Variants in SHPRH observed in about 807,000 individuals in gnomAD.
SHPRH encodes E3 ubiquitin-protein ligase SHPRH.
A neutral mutation model predicts 202.5 loss-of-function variants in SHPRH; 106 were observed. The ratio of observed to expected loss-of-function variants is 0.52; its 90% confidence interval spans 0.45 to 0.62. The LOEUF is 0.62. Ranked by LOEUF, SHPRH falls within the 20% of genes least tolerant of loss-of-function variation. The probability of loss-of-function intolerance (pLI) is 0.00; values close to 1 mark genes in which losing one functional copy is unlikely to be tolerated. For missense variants in SHPRH, 1,710 were observed against 2,020.0 expected (o/e 0.85, Z 2.94); for synonymous variants, 729 against 686.0 (o/e 1.06, Z -0.98).
chr6:145,929,191 T>C (rs1022803581), intron 14 of SHPRH, among the ~76,000 whole-genome samples: 1 of 151,932 alleles, frequency 6.6e-6, no homozygotes, highest in African/African-American at 2.4e-5. Context: ...TATTCAATGT[T>C]ATAAAGGTTT....
chr6:145,940,173 G>A (rs564379870), intron 11 of SHPRH, among the ~76,000 whole-genome samples: 1 of 152,124 alleles, frequency 6.6e-6, no homozygotes, highest in South Asian at 2.1e-4. Context: ...CAATCTAAAT[G>A]CTCAAGTAAA....
chr6:145,885,936 C>T lies in SHPRH; in HGVS notation c.*755G>A, dbSNP rs147165145. On this transcript the variant is annotated 3_prime_UTR_variant, in exon 30 of 30. Transcript: ENST00000275233. Reference sequence around the variant, plus strand: ...ATTTACAGATACATCAATCTTACAACATATAAAAACTTTAACAATAAGAAA... The same window carrying T: ...ATTTACAGATACATCAATCTTACAATATATAAAAACTTTAACAATAAGAAA... The T allele has an allele frequency of 6.6e-6, 1 of 151,168 alleles. No homozygotes were observed. The highest frequency in any genetic ancestry group is 1.9e-4 in the East Asian group (1 of 5,148). 9.4% of individuals were successfully genotyped at this position (151,168 alleles called of 1,614,324 possible). A position where few individuals can be genotyped will look rare whatever the true frequency, so the allele number is the denominator to read the frequency against.
chr6:145,921,193 A>G lies in SHPRH; in HGVS notation c.3982T>C (p.Phe1328Leu). Reference sequence around the variant, plus strand: ...TTATATTCCTTCTTCCATGCTTCAAAGAGATCCATTGAAGTGCTTCCTTCA... The same window carrying G: ...TTATATTCCTTCTTCCATGCTTCAAGGAGATCCATTGAAGTGCTTCCTTCA... ...VDEGSTSMDL[F>L]EAWKKEYKLL... is the part of the protein sequence containing the mutation. Residue 1328 changes from phenylalanine (F) to leucine (L), a missense_variant, in exon 21 of 30, where the codon TTT (phenylalanine) becomes CTT (leucine). Phe to Leu is a conservative substitution (Grantham distance 22, BLOSUM62 0). Around this residue, in one of 8 missense-constraint regions of SHPRH, gnomAD observed 306 missense variants for 479.5 expected, o/e 0.64. Transcript: ENST00000275233. 1.2e-6 allele frequency: 2 copies of G among 1,612,302 alleles called. No individual in the cohort carries two copies. The highest frequency in any genetic ancestry group is 1.7e-6 in the Non-Finnish European group (2 of 1,178,876).
intron 22 of SHPRH, chr6:145,918,819 A>C (rs890698285): frequency 6.5e-6 from 1 of 152,800 alleles, no homozygotes; most frequent in African/African-American, 2.4e-5. Flanking sequence ...AAGGAATAAA[A>C]ATGAATTATA....
At chr6:145,867,631 TAGAG>T (rs748613165) in intron 2 of SHPRH, among the ~76,000 whole-genome samples, 438 of 22,194 alleles carry the variant, frequency 0.02, 6 homozygotes, top group African/African-American at 0.038. Flanking sequence ...TATATATATA[TAGAG>T]AGAGAGAGAG....
chr6:145,945,711 A>G, intron 7 of SHPRH, 74 bp from the exon 8 acceptor site: 1 of 1,444,334 alleles, frequency 6.9e-7, no homozygotes. Flanking sequence ...GTTAATCTTA[A>G]TCTGCATGAG....
rs181315907 is a variant in SHPRH at position 145,924,932 on chromosome 6, T to C, written c.3295-86A>G. On this transcript the variant is annotated intron_variant, in intron 16 of 29. Coordinates refer to ENST00000275233, the MANE Select transcript of SHPRH (RefSeq NM_001042683.3). ...GTTTCAAGAAGAATGGGTCATTTTA[T>C]ACATTTAAAGCTACTTAACTGCATT... 448 of 1,049,056 alleles carry C rather than the reference T, an allele frequency of 4.3e-4. 1 individual carries two copies. In the African/African-American group the frequency reaches 6.2e-3, roughly 15 times the overall value. The allele number at this position is 1,049,056 out of a possible 1,614,324, so 65.0% of individuals were successfully genotyped here.
At position 145,924,845 on chromosome 6, in the gene SHPRH, G is replaced by A. The variant is rs370668117; in HGVS notation, c.3296C>T (p.Ala1099Val). The change falls in exon 17 of 30, where the codon GCC becomes GTC. Residue 1099 changes from alanine (A) to valine (V), a missense_variant and splice_region_variant. Coordinates refer to ENST00000275233, the MANE Select transcript of SHPRH (RefSeq NM_001042683.3). ...TLRDGRLEEEAKQLREHYMSK... is the reference protein window; with the variant it reads ...TLRDGRLEEEVKQLREHYMSK... ...CATGTAGTGCTCTCGCAGCTGTTTG[G>A]CCTGTGTTGAAACAGAGAATATAAA... The A allele has an allele frequency of 6.2e-6, 10 of 1,610,300 alleles. No individual in the cohort carries two copies. The highest frequency in any genetic ancestry group is 7.6e-6 in the Non-Finnish European group (9 of 1,177,694).
chr6:145,913,387 G>A, intron 24 of SHPRH, 91 bp downstream of exon 24: 1 of 1,173,402 alleles, frequency 8.5e-7, no homozygotes, highest in Non-Finnish European at 1.2e-6. Flanking sequence ...AGAAACTAGT[G>A]GTGAGAAAAA....
downstream of SHPRH, among the ~76,000 whole-genome samples, chr6:145,881,095 A>G (rs932080187): frequency 4.6e-5 from 7 of 152,238 alleles, no homozygotes; most frequent in African/African-American, 1.7e-4. Context: ...TAGTTGGAGT[A>G]AAACAATGTA....
chr6:145,872,380 G>T (rs1023202893), intron 2 of SHPRH, among the ~76,000 whole-genome samples: 1 of 152,066 alleles, frequency 6.6e-6, no homozygotes. Context: ...AGTGGGCAAA[G>T]GACATGAACA....
At chr6:145,927,396 T>C in intron 14 of SHPRH, 119 bp from the exon 15 acceptor site, 1 of 924,818 alleles carries the variant, frequency 1.1e-6, no homozygotes, top group Non-Finnish European at 1.6e-6. Flanking sequence ...ATAACTTTTT[T>C]TAAGTAAAGA....
In SHPRH at chr6:145,886,677, G is replaced by T; in HGVS notation, c.*14C>A. ...ATTAATACACTAAAGTCCATGGAAT[G>T]AATCAAGTGTAGTTCATTCAAGCTC... is the stretch of plus-strand genomic sequence containing the variant. On this transcript the variant is annotated 3_prime_UTR_variant, in exon 30 of 30. Transcript: ENST00000275233. 1.2e-6 allele frequency: 2 copies of T among 1,609,466 alleles called. No homozygotes were observed. Among genetic ancestry groups the T allele is most frequent in the South Asian group, 2.2e-5 (2 of 89,916 alleles).
rs750619242 is a variant in SHPRH at position 145,921,402 on chromosome 6, T to C, written c.3783-10A>G. 4 of 1,610,880 alleles carry C rather than the reference T, an allele frequency of 2.5e-6. No homozygotes were observed. The highest frequency in any genetic ancestry group is 2.2e-5 in the South Asian group (2 of 90,930). On this transcript the variant is annotated splice_polypyrimidine_tract_variant and intron_variant, in intron 20 of 29. Transcript: ENST00000275233. ...AGTCTGGCCTTTGACTCTGAAAACA[T>C]ACCAGAACAAAACAACAGTAACTGG...
At chr6:145,875,679 G>C (rs748825536) in intron 2 of SHPRH, among the ~76,000 whole-genome samples, 1 of 152,154 alleles carries the variant, frequency 6.6e-6, no homozygotes, top group Non-Finnish European at 1.5e-5. Context: ...GTTAATGAGA[G>C]GTTTTTAAAA....
At chr6:145,940,655 C>T in intron 11 of SHPRH, 68 bp downstream of exon 11, 1 of 1,488,856 alleles carries the variant, frequency 6.7e-7, no homozygotes, top group Non-Finnish European at 9.3e-7. Context: ...TTAAGCATAA[C>T]AATACTTTTC....
intron 1 of SHPRH, among the ~76,000 whole-genome samples, chr6:145,961,685 G>A (rs548709759): frequency 3.6e-4 from 55 of 151,772 alleles, no homozygotes; most frequent in African/African-American, 1.3e-3. Context: ...TCCAATATTA[G>A]TGCCTCAAGG....
chr6:145,961,350 C>T (rs900723076), intron 1 of SHPRH, among the ~76,000 whole-genome samples: 10 of 152,100 alleles, frequency 6.6e-5, no homozygotes, highest in African/African-American at 2.4e-4. Flanking sequence ...TAAAAAATTC[C>T]AGGGTGCAGC....
chr6:145,961,739 G>C (rs1259740847), intron 1 of SHPRH, among the ~76,000 whole-genome samples: 1 of 152,136 alleles, frequency 6.6e-6, no homozygotes, highest in African/African-American at 2.4e-5. Flanking sequence ...GTCAACACCA[G>C]AATTTCTAGC....
Sources: gnomAD v4.1 joint callset for allele counts (sites outside exome capture counted in the v4.1 genomes callset) on GRCh38, gnomAD v4.1.1 for gene constraint, gnomAD v4.1.1 regional missense constraint, MANE v1.5 for transcripts, NCBI Gene and HGNC (gene_info 2026-07-23, HGNC 2026-07-21) for gene names.